The following GRM5 variants were observed in gnomAD, a reference collection of about 807,000 sequenced individuals.
GRM5 encodes the protein metabotropic glutamate receptor 5.
GRM5 carries 19 observed loss-of-function variants against 83.1 expected under a neutral mutation model. The observed-to-expected ratio is 0.23, with a 90% CI of 0.16 to 0.34. The LOEUF is 0.34. Ranked by LOEUF, GRM5 falls within the 10% of genes least tolerant of loss-of-function variation. The probability of loss-of-function intolerance (pLI) is 1.00; values close to 1 mark genes in which losing one functional copy is unlikely to be tolerated. For synonymous variants in GRM5, 675 were observed against 633.6 expected (o/e 1.07, Z -0.98); for missense variants, 1,160 against 1,588.3 (o/e 0.73, Z 4.58).
intron 2 of GRM5, among the ~76,000 whole-genome samples, chr11:88,961,106 T>C (rs1056674026): frequency 6.6e-6 from 1 of 152,180 alleles, no homozygotes; most frequent in African/African-American, 2.4e-5. Context: ...CTAGGGGTAC[T>C]GTGAATCTCT....
chr11:88,723,418 A>G (rs1440648177), intron 3 of GRM5, among the ~76,000 whole-genome samples: 6 of 152,122 alleles, frequency 3.9e-5, no homozygotes, highest in Non-Finnish European at 7.3e-5. Flanking sequence ...GCTTGATAGT[A>G]TGGTAAGAGT....
chr11:88,708,137 G>T (rs1941202175), intron 3 of GRM5, among the ~76,000 whole-genome samples: 1 of 152,022 alleles, frequency 6.6e-6, no homozygotes, highest in South Asian at 2.1e-4. Flanking sequence ...ATAAATAGAA[G>T]ATAGCCTAAA....
chr11:88,527,246 C>T (rs1941901731), intron 8 of GRM5, among the ~76,000 whole-genome samples: 2 of 152,236 alleles, frequency 1.3e-5, no homozygotes, highest in South Asian at 4.1e-4. Flanking sequence ...ACAAAGGGAT[C>T]CTTAACATAT....
intron 8 of GRM5, among the ~76,000 whole-genome samples, chr11:88,539,484 A>G (rs11020276): frequency 0.42 from 63,501 of 151,964 alleles, 15,519 homozygotes; most frequent in East Asian, 0.72. Flanking sequence ...GCTTGATTTT[A>G]TAGTTGTTTC....
chr11:88,537,030 A>G (rs917530549), intron 8 of GRM5, among the ~76,000 whole-genome samples: 8 of 152,178 alleles, frequency 5.3e-5, no homozygotes, highest in African/African-American at 1.9e-4. Flanking sequence ...AAGTCTCAGA[A>G]GTGCCACTAG....
intron 2 of GRM5, among the ~76,000 whole-genome samples, chr11:88,895,578 A>C (rs1403678455): frequency 1.3e-5 from 2 of 152,024 alleles, no homozygotes; most frequent in South Asian, 4.1e-4. Flanking sequence ...ATTTATTACT[A>C]TTGGTATTCA....
chr11:88,657,866 A>G (rs72639188), intron 3 of GRM5, among the ~76,000 whole-genome samples: 4,695 of 152,220 alleles, frequency 0.031, 191 homozygotes, highest in East Asian at 0.18. Context: ...ATAGAACAGA[A>G]GTTTATTTCA....
chr11:88,893,940 T>G (rs1402930870), intron 2 of GRM5, among the ~76,000 whole-genome samples: 1 of 152,052 alleles, frequency 6.6e-6, no homozygotes, highest in East Asian at 1.9e-4. Context: ...GTAATGCTTT[T>G]CTTTTTAATG....
chr11:88,607,622 G>A (rs992101178), intron 4 of GRM5, among the ~76,000 whole-genome samples: 1 of 152,148 alleles, frequency 6.6e-6, no homozygotes, highest in African/African-American at 2.4e-5. Context: ...GGCCTTCAAA[G>A]ACATACAGGA....
chr11:88,547,808 A>G (rs1309142130), intron 8 of GRM5, among the ~76,000 whole-genome samples: 1 of 152,198 alleles, frequency 6.6e-6, no homozygotes, highest in African/African-American at 2.4e-5. Flanking sequence ...TCACAAGTGT[A>G]AAAATTAGCA....
rs151057424 is a variant in GRM5 at position 88,729,176 on chromosome 11, A to G, written c.912-75773T>C. Among the ~76,000 whole-genome samples, 533 of 152,158 alleles carry G rather than the reference A, an allele frequency of 3.5e-3. 2 individuals carry two copies. Among genetic ancestry groups the G allele is most frequent in the Non-Finnish European group, 6.0e-3 (410 of 67,960 alleles). ...TAAGCTGATAAGCAACTTCAGCAAA[A>G]TCTCAGGATACAAAATCAATGTGGG... is the stretch of plus-strand genomic sequence containing the variant. On this transcript the variant is annotated intron_variant, in intron 3 of 9. Coordinates refer to ENST00000305447, the MANE Select transcript of GRM5 (RefSeq NM_001143831.3).
At chr11:88,664,451 C>CT (rs890921679) in intron 3 of GRM5, among the ~76,000 whole-genome samples, 3 of 150,606 alleles carry the variant, frequency 2.0e-5, no homozygotes, top group Admixed American at 6.6e-5. Flanking sequence ...TTTCTTTTTT[C>CT]TTTTTTTTAA....
Position 88,987,016 on chromosome 11 carries a change from C to T in GRM5, c.661+60196G>A, listed in dbSNP as rs891235198. 4.0e-5 allele frequency among the ~76,000 whole-genome samples: 6 copies of T among 151,850 alleles called. 1 individual carries two copies. Among genetic ancestry groups the T allele is most frequent in the African/African-American group, 7.2e-5 (3 of 41,436 alleles). ...TATCGGGGGAAGGAGCCAAGATGGC[C>T]GAATAGGAACAGCTCCGGTCTACAG... On this transcript the variant is annotated intron_variant, in intron 2 of 9. Transcript: ENST00000305447.
At chr11:88,657,726 T>C (rs957274678) in intron 3 of GRM5, among the ~76,000 whole-genome samples, 4 of 152,142 alleles carry the variant, frequency 2.6e-5, no homozygotes, top group African/African-American at 9.7e-5. Context: ...AAATTGACTC[T>C]TGAATTACCC....
At chr11:88,700,425 G>T (rs1654185459) in intron 3 of GRM5, among the ~76,000 whole-genome samples, 1 of 152,092 alleles carries the variant, frequency 6.6e-6, no homozygotes, top group Non-Finnish European at 1.5e-5. Context: ...TATAGTTACT[G>T]CCACTTTCAA....
chr11:88,671,910 G>A (rs1455971984), intron 3 of GRM5, among the ~76,000 whole-genome samples: 1 of 151,978 alleles, frequency 6.6e-6, no homozygotes, highest in Non-Finnish European at 1.5e-5. Context: ...CATGGTTTCT[G>A]TGCTCTTTTG....
intron 2 of GRM5, among the ~76,000 whole-genome samples, chr11:89,039,974 CT>C (rs761341693): frequency 7.9e-5 from 12 of 151,628 alleles, no homozygotes; most frequent in Admixed American, 1.3e-4. Context: ...CTTTTTCTTT[CT>C]TTTTTTTTAC....
At chr11:88,513,704 A>G (rs1449342735) in intron 9 of GRM5, among the ~76,000 whole-genome samples, 2 of 152,136 alleles carry the variant, frequency 1.3e-5, no homozygotes, top group African/African-American at 4.8e-5. Context: ...TGTTGAGCAA[A>G]TCACTTGCCA....
rs144635773 is a variant in GRM5 at position 88,970,706 on chromosome 11, A to C, written c.661+76506T>G. Among the ~76,000 whole-genome samples the C allele has an allele frequency of 1.0e-2, 1,523 of 152,308 alleles. 25 individuals are homozygous for C. The highest frequency in any genetic ancestry group is 0.035 in the African/African-American group (1,446 of 41,572). On this transcript the variant is annotated intron_variant, in intron 2 of 9. Coordinates refer to ENST00000305447, the MANE Select transcript of GRM5 (RefSeq NM_001143831.3). ...TGATGAGTGTCACATATCTGGAATC[A>C]ACAGTTCTAACTGATAAATTTGTCT... is the stretch of plus-strand genomic sequence containing the variant.
Sources: gnomAD v4.1 joint callset for allele counts (sites outside exome capture counted in the v4.1 genomes callset) on GRCh38, gnomAD v4.1.1 for gene constraint, MANE v1.5 for transcripts, NCBI Gene and HGNC (gene_info 2026-07-23, HGNC 2026-07-21) for gene names.